Variants in CA10 observed in about 807,000 individuals in gnomAD.
CA10 encodes carbonic anhydrase 10 (inactive), also known as carbonic anhydrase-related protein 10.
A neutral mutation model predicts 44.2 loss-of-function variants in CA10; 14 were observed. That is an observed-to-expected ratio of 0.32 (90% CI 0.21 to 0.50). The LOEUF is 0.50. Ranked by LOEUF, CA10 falls within the 20% of genes least tolerant of loss-of-function variation. CA10 has a pLI of 0.99. For synonymous variants in CA10, 159 were observed against 141.6 expected (o/e 1.12, Z -0.87); for missense variants, 350 against 409.7 (o/e 0.85, Z 1.26).
At chr17:52,138,324 C>T (rs1200816091) in intron 1 of CA10, among the ~76,000 whole-genome samples, 1 of 152,040 alleles carries the variant, frequency 6.6e-6, no homozygotes, top group East Asian at 1.9e-4. Context: ...GGATAATCTC[C>T]CAATCTCAAG....
intron 2 of CA10, among the ~76,000 whole-genome samples, chr17:51,935,329 T>C (rs1287446173): frequency 6.6e-6 from 1 of 152,190 alleles, no homozygotes; most frequent in Non-Finnish European, 1.5e-5. Flanking sequence ...TTATGGCTTA[T>C]TAGCTAATGC....
At chr17:52,099,143 A>G (rs969513001) in intron 1 of CA10, among the ~76,000 whole-genome samples, 13 of 152,120 alleles carry the variant, frequency 8.5e-5, no homozygotes, top group Non-Finnish European at 1.8e-4. Flanking sequence ...GGAAGACGCC[A>G]TGTATAGATA....
chr17:51,989,930 C>T (rs963308325), intron 2 of CA10, among the ~76,000 whole-genome samples: 1 of 152,110 alleles, frequency 6.6e-6, no homozygotes, highest in Non-Finnish European at 1.5e-5. Flanking sequence ...GTTCTATCAT[C>T]CACATTTTAC....
At chr17:52,047,399 A>T (rs1986941934) in intron 2 of CA10, among the ~76,000 whole-genome samples, 1 of 152,072 alleles carries the variant, frequency 6.6e-6, no homozygotes, top group Admixed American at 6.6e-5. Context: ...GTGAAAACTC[A>T]CAAAATTGTA....
At chr17:51,955,816 G>A (rs1426504611) in intron 2 of CA10, among the ~76,000 whole-genome samples, 8 of 151,954 alleles carry the variant, frequency 5.3e-5, no homozygotes, top group Admixed American at 3.3e-4. Context: ...CTCACACACC[G>A]GGGCCTATCA....
intron 2 of CA10, among the ~76,000 whole-genome samples, chr17:52,069,002 G>C (rs1987608154): frequency 6.6e-6 from 1 of 152,202 alleles, no homozygotes; most frequent in African/African-American, 2.4e-5. Context: ...GGGAAATGTT[G>C]ATATTGCTGC....
At chr17:52,121,111 T>C (rs774272880) in intron 1 of CA10, among the ~76,000 whole-genome samples, 2 of 152,182 alleles carry the variant, frequency 1.3e-5, no homozygotes, top group African/African-American at 4.8e-5. Flanking sequence ...GTCTTTGCCA[T>C]ATGTGGTTTG....
chr17:51,842,532 A>G (rs1285105706), intron 3 of CA10, among the ~76,000 whole-genome samples: 1 of 152,206 alleles, frequency 6.6e-6, no homozygotes, highest in African/African-American at 2.4e-5. Flanking sequence ...TTTTAGAGTG[A>G]GCAGTCATTA....
At chr17:51,663,939 A>G (rs1438495240) in intron 4 of CA10, among the ~76,000 whole-genome samples, 2 of 152,200 alleles carry the variant, frequency 1.3e-5, no homozygotes, top group Non-Finnish European at 2.9e-5. Context: ...TGTAGCTCGT[A>G]TTCTTGTATT....
intron 8 of CA10, among the ~76,000 whole-genome samples, chr17:51,632,704 GGT>G (rs1429228278): frequency 6.6e-6 from 1 of 152,100 alleles, no homozygotes; most frequent in Non-Finnish European, 1.5e-5. Flanking sequence ...CCAGAACTTG[GGT>G]GTCCTGATTT....
At chr17:51,650,030 G>C (rs1017009821) in intron 5 of CA10, among the ~76,000 whole-genome samples, 3 of 151,942 alleles carry the variant, frequency 2.0e-5, no homozygotes, top group Admixed American at 6.6e-5. Flanking sequence ...ATAAATATTT[G>C]CAGAGGGTCT....
chr17:52,065,680 A>G (rs1210112719), intron 2 of CA10, among the ~76,000 whole-genome samples: 1 of 151,676 alleles, frequency 6.6e-6, no homozygotes, highest in Non-Finnish European at 1.5e-5. Context: ...TAAAATCCAA[A>G]CTCCCAGTTG....
At chr17:52,089,217 C>T (rs1416949044) in intron 1 of CA10, among the ~76,000 whole-genome samples, 43 of 152,026 alleles carry the variant, frequency 2.8e-4, no homozygotes, top group Admixed American at 2.8e-3. Context: ...CCAATATTGA[C>T]CTTAACTGAG....
At chr17:52,109,103 T>G (rs972794046) in intron 1 of CA10, among the ~76,000 whole-genome samples, 63 of 152,162 alleles carry the variant, frequency 4.1e-4, no homozygotes, top group African/African-American at 1.4e-3. Context: ...ATCTGTAAGT[T>G]TATTACAACA....
chr17:51,719,189 C>A (rs1269153355), intron 4 of CA10, among the ~76,000 whole-genome samples: 1 of 152,168 alleles, frequency 6.6e-6, no homozygotes, highest in African/African-American at 2.4e-5. Flanking sequence ...ATAAATGCCA[C>A]CAGAACCCCC....
chr17:51,682,023 A>G (rs1410672283), intron 4 of CA10, among the ~76,000 whole-genome samples: 2 of 152,202 alleles, frequency 1.3e-5, no homozygotes, highest in Non-Finnish European at 2.9e-5. Context: ...TCCAAGCTCT[A>G]TGGTCTGTAA....
chr17:52,130,154 C>A (rs1025809733), intron 1 of CA10, among the ~76,000 whole-genome samples: 3 of 152,092 alleles, frequency 2.0e-5, no homozygotes, highest in African/African-American at 7.2e-5. Context: ...TGAAAGATAA[C>A]AAGTGTTGGT....
chr17:51,800,259 G>A (rs780226825), intron 3 of CA10, among the ~76,000 whole-genome samples: 3 of 152,144 alleles, frequency 2.0e-5, no homozygotes, highest in Non-Finnish European at 2.9e-5. Context: ...AAACGGCTAC[G>A]TATGATTCCA....
intron 2 of CA10, among the ~76,000 whole-genome samples, chr17:51,995,303 T>C (rs203044): frequency 0.52 from 78,366 of 151,854 alleles, 21,124 homozygotes; most frequent in African/African-American, 0.66. Context: ...TGTCATTCTT[T>C]AATTAAAATT....
Sources: gnomAD v4.1 joint callset for allele counts (sites outside exome capture counted in the v4.1 genomes callset) on GRCh38, gnomAD v4.1.1 for gene constraint, MANE v1.5 for transcripts, NCBI Gene and HGNC (gene_info 2026-07-23, HGNC 2026-07-21) for gene names.